Variants in ATP2A2 observed in about 807,000 individuals in gnomAD.
ATP2A2 encodes the protein sarcoplasmic/endoplasmic reticulum calcium ATPase 2.
ATP2A2 carries 14 observed loss-of-function variants against 109.3 expected under a neutral mutation model. The observed-to-expected ratio is 0.13, with a 90% CI of 0.08 to 0.20. The LOEUF (loss-of-function observed/expected upper bound fraction) is 0.20. Among genes scored for constraint, ATP2A2 ranks in the 10% least tolerant of loss-of-function variants. ATP2A2 has a pLI of 1.00. For synonymous variants in ATP2A2, 506 were observed against 490.9 expected (o/e 1.03, Z -0.41); for missense variants, 657 against 1,321.6 (o/e 0.50, Z 7.80).
At chr12:110,295,356 C>A (rs1873857664) in intron 4 of ATP2A2, among the ~76,000 whole-genome samples, 1 of 152,002 alleles carries the variant, frequency 6.6e-6, no homozygotes, top group Non-Finnish European at 1.5e-5. Flanking sequence ...GAGACACTGT[C>A]TCGTTATGTT....
rs189309753 is a variant in ATP2A2 at position 110,345,294 on chromosome 12, G to A, written c.2653G>A (p.Val885Met). Reference protein sequence around the residue: ...CKEDNPDFEGVDCAIFESPYP... With the variant: ...CKEDNPDFEGMDCAIFESPYP... ...AGAGGACAACCCGGACTTTGAAGGCGTGGATTGTGCAATCTTTGAATCCCC... is the reference window on the plus strand; with the variant it reads ...AGAGGACAACCCGGACTTTGAAGGCATGGATTGTGCAATCTTTGAATCCCC... The change falls in exon 18 of 20, where the codon GTG (valine) becomes ATG (methionine). Residue 885 changes from valine to methionine, a missense_variant. Transcript: ENST00000539276. 13 of 1,614,152 alleles carry A rather than the reference G, an allele frequency of 8.1e-6. No homozygotes were observed. The highest frequency in any genetic ancestry group is 3.3e-5 in the Admixed American group (2 of 60,014).
At chr12:110,314,897 C>T (rs548101218) in intron 5 of ATP2A2, among the ~76,000 whole-genome samples, 4 of 147,724 alleles carry the variant, frequency 2.7e-5, no homozygotes, top group African/African-American at 7.5e-5. Flanking sequence ...AATGGAGTCT[C>T]GCTCTGTCGC....
chr12:110,339,792 C>G lies in ATP2A2; in HGVS notation c.1761+71C>G. 6.7e-7 allele frequency: 1 copy of G among 1,492,034 alleles called. No homozygotes were observed. Among genetic ancestry groups the G allele is most frequent in the South Asian group, 1.2e-5 (1 of 86,230 alleles). The allele number at this position is 1,492,034 out of a possible 1,614,324, so 92.4% of individuals were successfully genotyped here. On this transcript the variant is annotated intron_variant, in intron 13 of 19. Transcript: ENST00000539276. The surrounding 1 kb of genome is among the most constrained non-coding windows in gnomAD (Gnocchi z 4.4). ...TGTGTTTAAACAGTACTCCTTCAAG[C>G]AAAAGGTCAAACAGTTCTCACTTTT...
Position 110,314,100 on chromosome 12 carries a change from G to A in ATP2A2, c.464-8892G>A, listed in dbSNP as rs1036233471. On this transcript the variant is annotated intron_variant, in intron 5 of 19. Coordinates refer to ENST00000539276, the MANE Select transcript of ATP2A2 (RefSeq NM_170665.4). ...ATCCCAGCACTTTGGAGGCCGAGGC[G>A]GGCAGATCACCTGAGGTCAGGAGTT... Among the ~76,000 whole-genome samples, 5 of 151,848 alleles carry A rather than the reference G, an allele frequency of 3.3e-5. No homozygotes were observed. In the Middle Eastern group the frequency reaches 0.01, roughly 310 times the overall value.
intron 5 of ATP2A2, among the ~76,000 whole-genome samples, chr12:110,309,477 G>A (rs1197650412): frequency 6.6e-6 from 1 of 151,986 alleles, no homozygotes; most frequent in Non-Finnish European, 1.5e-5. Context: ...AATTTTATAT[G>A]TTGCTATACC....
At chr12:110,326,002 T>C (rs566710757) in intron 6 of ATP2A2, 5 of 207,826 alleles carry the variant, frequency 2.4e-5, no homozygotes, top group African/African-American at 9.3e-5. Context: ...AAAAAAAAAG[T>C]ATCAGTATAT....
chr12:110,345,955 T>G lies in ATP2A2; in HGVS notation c.2742-46T>G, dbSNP rs1320105437. 3 of 1,581,888 alleles carry G rather than the reference T, an allele frequency of 1.9e-6. No individual in the cohort carries two copies. In the Admixed American group the frequency reaches 5.0e-5, roughly 26 times the overall value. On this transcript the variant is annotated intron_variant, in intron 18 of 19. Coordinates refer to ENST00000539276, the MANE Select transcript of ATP2A2 (RefSeq NM_170665.4). ...AGGGTCTTACTGCCACTGTGACACG[T>G]GCCTTGCCTTGGGGGTGCGTTTCCC... is the stretch of plus-strand genomic sequence containing the variant.
chr12:110,297,390 C>T (rs747755275), intron 5 of ATP2A2, among the ~76,000 whole-genome samples: 4 of 147,160 alleles, frequency 2.7e-5, no homozygotes, highest in East Asian at 2.1e-4. Flanking sequence ...GAGCTGAGAT[C>T]GCACCACTGC....
At chr12:110,282,004 C>T in intron 1 of ATP2A2, 97 bp downstream of exon 1, 2 of 970,212 alleles carry the variant, frequency 2.1e-6, no homozygotes, top group Non-Finnish European at 1.4e-6. Context: ...CGGCTCCGCG[C>T]CCGCCGACAG....
chr12:110,305,786 GT>G (rs1261137738), intron 5 of ATP2A2, among the ~76,000 whole-genome samples: 5 of 151,908 alleles, frequency 3.3e-5, no homozygotes, highest in Non-Finnish European at 7.4e-5. Context: ...GGTATTTTCA[GT>G]AAGAATTGTG....
At chr12:110,282,273 C>T (rs1053271804) in intron 1 of ATP2A2, among the ~76,000 whole-genome samples, 2 of 152,204 alleles carry the variant, frequency 1.3e-5, no homozygotes, top group African/African-American at 2.4e-5. Flanking sequence ...AGGCCTCTGA[C>T]CGTTCTTGTC....
In ATP2A2 at chr12:110,302,584, C is replaced by CTATTATTAT. The variant is rs10568177; in HGVS notation, c.463+5865_463+5873dup. On this transcript the variant is annotated intron_variant, in intron 5 of 19. Transcript: ENST00000539276. ...TTTTCTTTAATTTTTATTTTTATTA[C>CTATTATTAT]TATTATTATTATTATTATTATTATT... is the stretch of plus-strand genomic sequence containing the variant. Among the ~76,000 whole-genome samples, 544 of 146,506 alleles carry CTATTATTAT rather than the reference C, an allele frequency of 3.7e-3. 4 individuals are homozygous for CTATTATTAT. Among genetic ancestry groups the CTATTATTAT allele is most frequent in the Admixed American group, 6.0e-3 (87 of 14,508 alleles).
At chr12:110,298,296 G>A (rs1228015466) in intron 5 of ATP2A2, among the ~76,000 whole-genome samples, 1 of 152,182 alleles carries the variant, frequency 6.6e-6, no homozygotes, top group African/African-American at 2.4e-5. Context: ...ATGCCAGTAA[G>A]CCAATTATTT....
chr12:110,343,538 A>G (rs1879560607), intron 16 of ATP2A2, 104 bp downstream of exon 16: 5 of 1,314,762 alleles, frequency 3.8e-6, no homozygotes, highest in African/African-American at 2.9e-5. Flanking sequence ...CTATCCCCGT[A>G]TAGGGTAGCA....
chr12:110,343,575 CG>C, intron 16 of ATP2A2, 141 bp downstream of exon 16: 4 of 969,456 alleles, frequency 4.1e-6, no homozygotes, highest in Non-Finnish European at 6.3e-6. Context: ...TCTTACAGTT[CG>C]ATGAACTATA....
chr12:110,315,952 T>G (rs1267014810), intron 5 of ATP2A2, among the ~76,000 whole-genome samples: 2 of 151,924 alleles, frequency 1.3e-5, no homozygotes, highest in Admixed American at 1.3e-4. Flanking sequence ...CTTGGTGTGG[T>G]GGTGGGCACC....
chr12:110,300,575 C>G (rs545150903), intron 5 of ATP2A2, among the ~76,000 whole-genome samples: 1 of 149,268 alleles, frequency 6.7e-6, no homozygotes, highest in Non-Finnish European at 1.5e-5. Context: ...AGGATGACCT[C>G]GTGATCCTCC....
intron 5 of ATP2A2, among the ~76,000 whole-genome samples, chr12:110,298,954 G>A (rs1874258983): frequency 6.6e-6 from 1 of 152,108 alleles, no homozygotes; most frequent in Admixed American, 6.6e-5. Flanking sequence ...ATCTTATTCA[G>A]AATTTACCAG....
At chr12:110,313,705 C>CT (rs137984643) in intron 5 of ATP2A2, among the ~76,000 whole-genome samples, 3,674 of 111,850 alleles carry the variant, frequency 0.033, 94 homozygotes, top group South Asian at 0.059. Flanking sequence ...GATAATGGAA[C>CT]TTTTTTTTTT....
Sources: gnomAD v4.1 joint callset for allele counts (sites outside exome capture counted in the v4.1 genomes callset) on GRCh38, gnomAD v4.1.1 for gene constraint, Gnocchi (gnomAD v3.1) non-coding constraint, MANE v1.5 for transcripts, NCBI Gene and HGNC (gene_info 2026-07-23, HGNC 2026-07-21) for gene names.